The following CFHR4 variants were observed in gnomAD, a reference collection of about 807,000 sequenced individuals.
CFHR4 encodes the protein complement factor H-related protein 4.
A neutral mutation model predicts 69.3 loss-of-function variants in CFHR4; 64 were observed. The ratio of observed to expected loss-of-function variants is 0.92; its 90% CI spans 0.76 to 1.14. The LOEUF (loss-of-function observed/expected upper bound fraction) is 1.14. Among genes scored for constraint, CFHR4 ranks in the 50% most tolerant of loss-of-function variants. The pLI is 0.00. For synonymous variants in CFHR4, 244 were observed against 237.0 expected (o/e 1.03, Z -0.27); for missense variants, 636 against 684.9 (o/e 0.93, Z 0.80).
chr1:196,901,352 T>C (rs910131391), intron 1 of CFHR4, among the ~76,000 whole-genome samples: 1 of 150,998 alleles, frequency 6.6e-6, no homozygotes, highest in Non-Finnish European at 1.5e-5. Context: ...TAAATGAAGA[T>C]ACTTAAGAGA....
intron 1 of CFHR4, among the ~76,000 whole-genome samples, chr1:196,891,633 A>T (rs1657042949): frequency 6.6e-6 from 1 of 151,488 alleles, no homozygotes; most frequent in Non-Finnish European, 1.5e-5. Context: ...CTTTAGTTAT[A>T]TTCTTAAGAT....
chr1:196,906,639 A>C (rs1657919772), intron 3 of CFHR4, among the ~76,000 whole-genome samples: 1 of 151,434 alleles, frequency 6.6e-6, no homozygotes, highest in African/African-American at 2.4e-5. Flanking sequence ...TGTTTTTCAT[A>C]GGGTTTGAAT....
Position 196,907,305 on chromosome 1 carries a change from T to A in CFHR4, c.617-11T>A, listed in dbSNP as rs556777105. The A allele has an allele frequency of 1.3e-6, 2 of 1,595,216 alleles. No individual in the cohort carries two copies. Among genetic ancestry groups the A allele is most frequent in the Admixed American group, 1.7e-5 (1 of 59,688 alleles). ...GTTGATTTTTCCCCAATGTAAAGTATTTTTTTTCAGATTCTTCAGAAAACT... is the reference window on the plus strand; with the variant it reads ...GTTGATTTTTCCCCAATGTAAAGTAATTTTTTTCAGATTCTTCAGAAAACT... On this transcript the variant is annotated splice_polypyrimidine_tract_variant and intron_variant, in intron 4 of 9. Coordinates refer to ENST00000608469, the MANE Select transcript of CFHR4 (RefSeq NM_001201550.3).
intron 9 of CFHR4, among the ~76,000 whole-genome samples, chr1:196,917,733 C>T (rs1207023084): frequency 6.6e-6 from 1 of 151,404 alleles, no homozygotes; most frequent in African/African-American, 2.4e-5. Flanking sequence ...AAAGATTATA[C>T]CTTTCTACAG....
chr1:196,890,989 T>C (rs1478296239), intron 1 of CFHR4, among the ~76,000 whole-genome samples: 5 of 151,556 alleles, frequency 3.3e-5, no homozygotes, highest in Admixed American at 6.6e-5. Flanking sequence ...CCAGTCATGG[T>C]GGCTGTAATC....
At position 196,906,185 on chromosome 1, in the gene CFHR4, C is replaced by T. The variant is rs1206523216; in HGVS notation, c.440-676C>T. Among the ~76,000 whole-genome samples the T allele has an allele frequency of 2.0e-5, 3 of 151,286 alleles. 1 individual carries two copies. The highest frequency in any genetic ancestry group is 7.3e-5 in the African/African-American group (3 of 41,006). ...TATGTAATTGAACATGGATGAATCT[C>T]AAAAATATTAATCTAAGTGAGAAAA... is the stretch of plus-strand genomic sequence containing the variant. On this transcript the variant is annotated intron_variant, in intron 3 of 9. Transcript: ENST00000608469.
chr1:196,905,074 A>G (rs764470024), intron 2 of CFHR4, 34 bp from the exon 3 acceptor site: 1 of 1,526,972 alleles, frequency 6.5e-7, no homozygotes, highest in South Asian at 1.2e-5. Flanking sequence ...TATTCAACAA[A>G]TATTTACTTT....
intron 7 of CFHR4, among the ~76,000 whole-genome samples, chr1:196,913,576 G>C (rs1424735537): frequency 6.6e-6 from 1 of 151,514 alleles, no homozygotes; most frequent in East Asian, 1.9e-4. Flanking sequence ...TAAAGAGATT[G>C]CATAATGAAC....
At chr1:196,903,566 T>C (rs1453669967) in intron 2 of CFHR4, among the ~76,000 whole-genome samples, 1 of 151,036 alleles carries the variant, frequency 6.6e-6, no homozygotes, top group Non-Finnish European at 1.5e-5. Flanking sequence ...GGCTGGAGAA[T>C]GGCTTGAACC....
intron 5 of CFHR4, among the ~76,000 whole-genome samples, chr1:196,908,291 G>A (rs755296269): frequency 5.3e-5 from 8 of 151,316 alleles, no homozygotes; most frequent in Non-Finnish European, 8.8e-5. Flanking sequence ...CATGTACCCC[G>A]AACTTAAAGT....
intron 1 of CFHR4, among the ~76,000 whole-genome samples, chr1:196,894,218 G>A (rs1347739685): frequency 6.6e-6 from 1 of 151,450 alleles, no homozygotes; most frequent in Non-Finnish European, 1.5e-5. Flanking sequence ...AAATTATGTA[G>A]AAAATGAAAT....
At position 196,901,201 on chromosome 1, in the gene CFHR4, C is replaced by T. The variant is rs184823501; in HGVS notation, c.59-1217C>T. 9.3e-5 allele frequency among the ~76,000 whole-genome samples: 14 copies of T among 150,902 alleles called. 1 individual carries two copies. Among genetic ancestry groups the T allele is most frequent in the Admixed American group, 9.2e-4 (14 of 15,136 alleles). On this transcript the variant is annotated intron_variant, in intron 1 of 9. Transcript: ENST00000608469. ...CCCTAAAATCAGAGTAATTAAGATG[C>T]TATTTATAAGCAATGAAACTGAATG...
At position 196,907,633 on chromosome 1, in the gene CFHR4, T is replaced by A. The variant is rs1223522841; in HGVS notation, c.799+135T>A. Reference sequence around the variant, plus strand: ...AGCTATTCTGCTGAATATTTGCCTTTCAGATCTTAATATATAAGTGTATAA... The same window carrying A: ...AGCTATTCTGCTGAATATTTGCCTTACAGATCTTAATATATAAGTGTATAA... On this transcript the variant is annotated intron_variant, in intron 5 of 9. Coordinates refer to ENST00000608469, the MANE Select transcript of CFHR4 (RefSeq NM_001201550.3). The A allele has an allele frequency of 2.0e-5, 14 of 713,728 alleles. No homozygotes were observed. The African/African-American group carries it at 2.2e-4, about 11-fold the overall frequency. 44.2% of individuals were successfully genotyped at this position (713,728 alleles called of 1,614,324 possible). A position where few individuals can be genotyped will look rare whatever the true frequency, so the allele number is the denominator to read the frequency against.
chr1:196,903,185 G>A (rs1269360837), intron 2 of CFHR4, among the ~76,000 whole-genome samples: 1 of 151,392 alleles, frequency 6.6e-6, no homozygotes, highest in Non-Finnish European at 1.5e-5. Context: ...AACTGTCTAA[G>A]ATCTAGATAT....
intron 1 of CFHR4, among the ~76,000 whole-genome samples, chr1:196,888,622 T>C (rs915397619): frequency 6.6e-6 from 1 of 151,260 alleles, no homozygotes; most frequent in African/African-American, 2.4e-5. Flanking sequence ...TTTTATTGAT[T>C]CATATATCAA....
chr1:196,888,073 A>C lies in CFHR4; in HGVS notation c.-78A>C. On this transcript the variant is annotated 5_prime_UTR_variant, in exon 1 of 10. Transcript: ENST00000608469. ...ACTTAAATTCAGAATCACACTTGGT[A>C]ACTAATAATGAAAGATTTCAAACCC... is the stretch of plus-strand genomic sequence containing the variant. The C allele has an allele frequency of 7.0e-7, 1 of 1,418,480 alleles. No homozygotes were observed. The highest frequency in any genetic ancestry group is 1.2e-5 in the South Asian group (1 of 86,322). 87.9% of individuals were successfully genotyped at this position (1,418,480 alleles called of 1,614,324 possible).
intron 9 of CFHR4, among the ~76,000 whole-genome samples, chr1:196,916,648 T>A (rs1193603356): frequency 2.0e-5 from 3 of 151,796 alleles, no homozygotes; most frequent in Admixed American, 6.6e-5. Context: ...TTTACAAGTA[T>A]CTTCAAACTT....
rs1425716515 is a variant in CFHR4, at chr1:196,918,629, T to C, written c.*223T>C. 6.6e-6 allele frequency: 3 copies of C among 457,794 alleles called. No homozygotes were observed. The highest frequency in any genetic ancestry group is 4.4e-5 in the East Asian group (1 of 22,564). 28.4% of individuals were successfully genotyped at this position (457,794 alleles called of 1,614,324 possible). A position where few individuals can be genotyped will look rare whatever the true frequency, so the allele number is the denominator to read the frequency against. ...TAAAATAATAAAAACTACCCTTATATTGGACTTCCTATCAATGAATTAGTA... is the reference window on the plus strand; with the variant it reads ...TAAAATAATAAAAACTACCCTTATACTGGACTTCCTATCAATGAATTAGTA... On this transcript the variant is annotated 3_prime_UTR_variant, in exon 10 of 10. Transcript: ENST00000608469.
At position 196,912,874 on chromosome 1, in the gene CFHR4, T is replaced by A. The variant is rs1658354321; in HGVS notation, c.1132T>A (p.Ser378Thr). 3 of 1,611,680 alleles carry A rather than the reference T, an allele frequency of 1.9e-6. No homozygotes were observed. The highest frequency in any genetic ancestry group is 2.5e-6 in the Non-Finnish European group (3 of 1,178,924). Residue 378 changes from serine to threonine, a missense_variant, in exon 7 of 10, where the codon TCA becomes ACA. Ser to Thr is a moderately conservative substitution (Grantham distance 58, BLOSUM62 1). Coordinates refer to ENST00000608469, the MANE Select transcript of CFHR4 (RefSeq NM_001201550.3). ...YATADGNSSG[S>T]ITCLQNGWSA... ...AACAGCAGATGGAAATTCTTCAGGT[T>A]CAATTACATGTTTGCAAAATGGATG... is the stretch of plus-strand genomic sequence containing the variant.
Sources: allele counts gnomAD v4.1 joint callset (sites outside exome capture counted in the v4.1 genomes callset), GRCh38; gene constraint gnomAD v4.1.1; transcripts MANE v1.5; gene names NCBI Gene and HGNC (gene_info 2026-07-23, HGNC 2026-07-21).